CAST: variants seen among roughly 807,000 people sequenced by gnomAD.
CAST encodes MIR583 host.
Under a neutral mutation model 119.6 loss-of-function variants are expected in CAST, and 76 were observed. The ratio of observed to expected loss-of-function variants is 0.64; its 90% CI spans 0.53 to 0.77. The LOEUF (loss-of-function observed/expected upper bound fraction) is 0.77. CAST is among the 30% of genes least tolerant of loss of function. The probability of loss-of-function intolerance (pLI) is 0.00; values close to 1 mark genes in which losing one functional copy is unlikely to be tolerated. For missense variants in CAST, 953 were observed against 946.5 expected, an observed-to-expected ratio of 1.01 and a Z score of -0.09; for synonymous variants, 319 against 331.6, an observed-to-expected ratio of 0.96 and a Z score of 0.41.
chr5:96,562,562 G>A (rs147407454), intron 1 of CAST, among the ~76,000 whole-genome samples: 1 of 152,222 alleles, frequency 6.6e-6, no homozygotes, highest in Non-Finnish European at 1.5e-5. Context: ...TTAATCATAA[G>A]CAATTATTCT....
At chr5:96,254,057 G>A in the CAST span, among the ~76,000 whole-genome samples, 1 of 152,038 alleles carries the variant, frequency 6.6e-6, no homozygotes, top group South Asian at 2.1e-4. Context: ...GTAAACTGTT[G>A]CTGTGAACTC....
At chr5:96,610,821 T>A (rs184974177) in intron 1 of CAST, among the ~76,000 whole-genome samples, 1 of 152,244 alleles carries the variant, frequency 6.6e-6, no homozygotes, top group East Asian at 1.9e-4. Flanking sequence ...TTCAGTAAAG[T>A]TTCAGGGAAC....
intron 3 of CAST, among the ~76,000 whole-genome samples, chr5:96,707,369 T>C (rs901905499): frequency 6.6e-6 from 1 of 152,040 alleles, no homozygotes. Context: ...CTGCTTTTAT[T>C]GAATGTGTTA....
chr5:96,660,173 C>CTT (rs1748235396), upstream of CAST, among the ~76,000 whole-genome samples: 1 of 152,204 alleles, frequency 6.6e-6, no homozygotes, highest in Non-Finnish European at 1.5e-5. Context: ...GTGGGTTCCT[C>CTT]TTTATCTCGT....
chr5:96,497,647 C>T, the CAST span, among the ~76,000 whole-genome samples: 2 of 152,216 alleles, frequency 1.3e-5, no homozygotes, highest in East Asian at 3.9e-4. Flanking sequence ...CTTTTGGCTG[C>T]ATAAATGTCT....
chr5:95,964,011 T>A, the CAST span, among the ~76,000 whole-genome samples: 1 of 152,212 alleles, frequency 6.6e-6, no homozygotes, highest in African/African-American at 2.4e-5. Flanking sequence ...TTGACTTTTT[T>A]TAAAAATTAT....
intron 1 of CAST, among the ~76,000 whole-genome samples, chr5:96,648,251 T>G (rs928376095): frequency 2.0e-5 from 3 of 152,218 alleles, no homozygotes; most frequent in African/African-American, 7.2e-5. Context: ...AAACCCACTT[T>G]CAGAACTTGT....
chr5:96,566,876 T>C (rs1746477575), intron 1 of CAST, among the ~76,000 whole-genome samples: 1 of 152,262 alleles, frequency 6.6e-6, no homozygotes, highest in African/African-American at 2.4e-5. Context: ...ATTGAGTTTG[T>C]AAAACACTGA....
the CAST span, among the ~76,000 whole-genome samples, chr5:96,502,614 GTCTTTCTTTCTTTCTTTCTTTCTTTCTT>G: frequency 9.8e-5 from 14 of 143,272 alleles, no homozygotes; most frequent in South Asian, 9.0e-4. Context: ...AAGTTACCTA[GTCTTTCTTTCTTTCTTTCTTTCTTTCTT>G]TCTTTCTTTC....
the CAST span, among the ~76,000 whole-genome samples, chr5:96,262,819 G>A: frequency 6.6e-6 from 1 of 152,144 alleles, no homozygotes; most frequent in African/African-American, 2.4e-5. Flanking sequence ...ACAGACATGA[G>A]CCACCACGCC....
chr5:96,093,299 C>T, the CAST span, among the ~76,000 whole-genome samples: 22 of 152,162 alleles, frequency 1.4e-4, no homozygotes, highest in South Asian at 4.6e-3. Flanking sequence ...TGATACAGTA[C>T]ATGGTACAGA....
chr5:96,608,680 T>C (rs1434915281), intron 1 of CAST, among the ~76,000 whole-genome samples: 1 of 152,140 alleles, frequency 6.6e-6, no homozygotes, highest in East Asian at 1.9e-4. Flanking sequence ...AAGAACTATC[T>C]GAGACTGGGT....
At chr5:96,439,072 G>A in the CAST span, among the ~76,000 whole-genome samples, 1 of 152,050 alleles carries the variant, frequency 6.6e-6, no homozygotes, top group African/African-American at 2.4e-5. Flanking sequence ...ATATTTCCAT[G>A]TCAATAACTG....
At chr5:96,444,629 A>T in the CAST span, among the ~76,000 whole-genome samples, 1 of 152,066 alleles carries the variant, frequency 6.6e-6, no homozygotes, top group Non-Finnish European at 1.5e-5. Context: ...CTAAAATATC[A>T]GTTTTATTTT....
the CAST span, among the ~76,000 whole-genome samples, chr5:96,396,970 T>A: frequency 6.6e-6 from 1 of 152,236 alleles, no homozygotes; most frequent in Non-Finnish European, 1.5e-5. Context: ...TCTGGCAGAA[T>A]GTCACACCAA....
the CAST span, among the ~76,000 whole-genome samples, chr5:96,199,123 T>C: frequency 6.6e-5 from 10 of 152,196 alleles, no homozygotes; most frequent in African/African-American, 2.4e-4. Context: ...GTCAACTTGA[T>C]TATTTTCCCT....
the CAST span, among the ~76,000 whole-genome samples, chr5:96,239,459 G>A: frequency 6.6e-6 from 1 of 151,952 alleles, no homozygotes; most frequent in South Asian, 2.1e-4. Context: ...GCTTTTTTGG[G>A]GGGAGTATAA....
intron 1 of CAST, among the ~76,000 whole-genome samples, chr5:96,666,807 A>G (rs923876612): frequency 5.3e-5 from 8 of 152,166 alleles, no homozygotes; most frequent in Non-Finnish European, 7.3e-5. Flanking sequence ...AAAGAATGCT[A>G]TAGCCTTCTG....
chr5:96,480,161 T>C, the CAST span, among the ~76,000 whole-genome samples: 2 of 152,180 alleles, frequency 1.3e-5, no homozygotes, highest in African/African-American at 2.4e-5. Flanking sequence ...ATTCTATCTG[T>C]AGGACGGAGC....
Sources: gnomAD v4.1 joint callset for allele counts (sites outside exome capture counted in the v4.1 genomes callset) on GRCh38, gnomAD v4.1.1 for gene constraint, MANE v1.5 for transcripts, NCBI Gene and HGNC (gene_info 2026-07-23, HGNC 2026-07-21) for gene names.